The following MTUS1 variants were observed in gnomAD, a reference collection of about 807,000 sequenced individuals.
The protein encoded by MTUS1 is microtubule associated scaffold protein 1.
In MTUS1, 109 loss-of-function variants were observed where a neutral mutation model predicts 120.8. The observed-to-expected ratio is 0.90, with a 90% confidence interval of 0.77 to 1.06. MTUS1 has a LOEUF of 1.06. Ranked by LOEUF, MTUS1 falls within the 50% of genes least tolerant of loss-of-function variation. The pLI is 0.00. For synonymous variants in MTUS1, 737 were observed against 550.5 expected (o/e 1.34, Z -4.74); for missense variants, 2,210 against 1,486.3 (o/e 1.49, Z -8.01).
chr8:17,656,735 G>GT (rs1808340169), intron 8 of MTUS1, among the ~76,000 whole-genome samples: 1 of 152,006 alleles, frequency 6.6e-6, no homozygotes, highest in Admixed American at 6.6e-5. Context: ...GCCAGCCAGT[G>GT]TGGTAGAAGC....
intron 1 of MTUS1, among the ~76,000 whole-genome samples, chr8:17,766,991 T>C (rs535928953): frequency 1.7e-4 from 26 of 152,252 alleles, no homozygotes; most frequent in African/African-American, 6.3e-4. Context: ...ATTTGAGAAT[T>C]ATATGACCAG....
At chr8:17,674,651 G>A (rs1390323004) in intron 8 of MTUS1, 1 of 986,726 alleles carries the variant, frequency 1.0e-6, no homozygotes, top group Non-Finnish European at 1.2e-6. Flanking sequence ...TGAGACGTGG[G>A]GCTCCCTGTG....
intron 6 of MTUS1, among the ~76,000 whole-genome samples, chr8:17,689,083 T>C (rs1404285206): frequency 6.6e-6 from 1 of 152,098 alleles, no homozygotes; most frequent in Non-Finnish European, 1.5e-5. Flanking sequence ...TGGTGGCACC[T>C]GCCTGTACTC....
intron 6 of MTUS1, among the ~76,000 whole-genome samples, chr8:17,703,627 T>TTA (rs1819553214): frequency 1.2e-5 from 1 of 82,322 alleles, no homozygotes; most frequent in African/African-American, 4.8e-5. Context: ...AGACTCTGTC[T>TTA]CAAAAAAAAA....
intron 6 of MTUS1, among the ~76,000 whole-genome samples, chr8:17,690,887 T>A (rs1012083518): frequency 6.6e-6 from 1 of 152,194 alleles, no homozygotes; most frequent in Non-Finnish European, 1.5e-5. Flanking sequence ...CAATATTAGA[T>A]ACCTCTAAAA....
intron 1 of MTUS1, among the ~76,000 whole-genome samples, chr8:17,779,900 T>C (rs116554888): frequency 0.014 from 2,094 of 152,330 alleles, 43 homozygotes; most frequent in African/African-American, 0.046. Flanking sequence ...TCCCCAAAGC[T>C]CCAGGTTTGA....
chr8:17,690,469 A>G (rs764939946), intron 6 of MTUS1, among the ~76,000 whole-genome samples: 13 of 152,240 alleles, frequency 8.5e-5, no homozygotes, highest in Non-Finnish European at 1.8e-4. Flanking sequence ...TATGGAAAAC[A>G]GTATGGAGAT....
chr8:17,730,261 G>C (rs140784595), intron 3 of MTUS1, among the ~76,000 whole-genome samples: 32 of 152,256 alleles, frequency 2.1e-4, no homozygotes, highest in Middle Eastern at 3.4e-3. Flanking sequence ...GGGATCACCG[G>C]AGGCCAGGCC....
At chr8:17,677,022 G>A (rs1398649865) in intron 7 of MTUS1, among the ~76,000 whole-genome samples, 1 of 152,146 alleles carries the variant, frequency 6.6e-6, no homozygotes, top group South Asian at 2.1e-4. Flanking sequence ...CAGGGACTGG[G>A]ATTTAAGACC....
chr8:17,757,265 ACTTGAAATATTATAT>A (rs1444314297), intron 1 of MTUS1, among the ~76,000 whole-genome samples: 2 of 152,224 alleles, frequency 1.3e-5, no homozygotes, highest in Non-Finnish European at 2.9e-5. Flanking sequence ...ATAATATTAC[ACTTGAAATATTATAT>A]CAAATGAAAG....
intron 3 of MTUS1, among the ~76,000 whole-genome samples, chr8:17,735,116 T>C (rs1310075938): frequency 1.3e-5 from 2 of 152,068 alleles, no homozygotes; most frequent in African/African-American, 4.8e-5. Flanking sequence ...TTTCTGATGG[T>C]TTCCTTAGTC....
rs954789957 is a variant in MTUS1 at position 17,755,917 on chromosome 8, G to T, written c.-110C>A. 1.4e-6 allele frequency: 2 copies of T among 1,471,228 alleles called. No homozygotes were observed. The highest frequency in any genetic ancestry group is 2.3e-5 in the East Asian group (1 of 43,076). 91.1% of individuals were successfully genotyped at this position (1,471,228 alleles called of 1,614,324 possible). On this transcript the variant is annotated 5_prime_UTR_variant, in exon 2 of 15. Coordinates refer to ENST00000693296, the MANE Select transcript of MTUS1 (RefSeq NM_001363059.2). ...CTAGGTTTTTCAGCACAGTTGAAAGGTTTTCAGTCTAAGATGCTCTGAAGA... is the reference window on the plus strand; with the variant it reads ...CTAGGTTTTTCAGCACAGTTGAAAGTTTTTCAGTCTAAGATGCTCTGAAGA...
chr8:17,750,224 G>T (rs1177825338), intron 2 of MTUS1, among the ~76,000 whole-genome samples: 1 of 152,166 alleles, frequency 6.6e-6, no homozygotes, highest in African/African-American at 2.4e-5. Context: ...AGAACAGCTG[G>T]AGGTCATGTT....
intron 1 of MTUS1, among the ~76,000 whole-genome samples, chr8:17,774,860 G>C (rs1381490752): frequency 6.6e-6 from 1 of 150,782 alleles, no homozygotes; most frequent in Non-Finnish European, 1.5e-5. Flanking sequence ...TGACAGATGA[G>C]TGGATAAACA....
Position 17,653,176 on chromosome 8 carries a change from C to T in MTUS1, c.3384+10G>A. ...AATTCCATACTGATAAAGGAGCACA[C>T]ACAACTTACCAAATTTGCTTTTTCT... On this transcript the variant is annotated intron_variant, in intron 12 of 14. Transcript: ENST00000693296. 6.7e-7 allele frequency: 1 copy of T among 1,497,796 alleles called. No homozygotes were observed. Among genetic ancestry groups the T allele is most frequent in the Non-Finnish European group, 9.0e-7 (1 of 1,112,126 alleles). The allele number at this position is 1,497,796 out of a possible 1,614,324, so 92.8% of individuals were successfully genotyped here.
At chr8:17,784,106 T>A (rs994860825) in intron 1 of MTUS1, among the ~76,000 whole-genome samples, 19 of 152,210 alleles carry the variant, frequency 1.2e-4, no homozygotes, top group Admixed American at 2.0e-4. Context: ...CATAAAGTAA[T>A]CATAAGTTAA....
chr8:17,710,191 A>AGACAGCAATGAAGTTTGC (rs1166085577), intron 6 of MTUS1, among the ~76,000 whole-genome samples: 3 of 152,180 alleles, frequency 2.0e-5, no homozygotes, highest in Non-Finnish European at 4.4e-5. Context: ...ATTTAAAGTA[A>AGACAGCAATGAAGTTTGC]GACAGCAATG....
chr8:17,725,720 T>C (rs781124516), intron 3 of MTUS1, among the ~76,000 whole-genome samples: 2 of 152,192 alleles, frequency 1.3e-5, no homozygotes, highest in African/African-American at 4.8e-5. Context: ...CAGCACAGCT[T>C]TGAACGCTAA....
intron 8 of MTUS1, among the ~76,000 whole-genome samples, chr8:17,661,701 G>A (rs1300850615): frequency 6.6e-6 from 1 of 151,536 alleles, no homozygotes; most frequent in East Asian, 1.9e-4. Flanking sequence ...GAGGACACAT[G>A]GGAAGAAACG....
Sources: gnomAD v4.1 joint callset for allele counts (sites outside exome capture counted in the v4.1 genomes callset) on GRCh38, gnomAD v4.1.1 for gene constraint, MANE v1.5 for transcripts, NCBI Gene and HGNC (gene_info 2026-07-23, HGNC 2026-07-21) for gene names.